The following ATG7 variants were observed in gnomAD, a reference collection of about 807,000 sequenced individuals.
The protein encoded by ATG7 is ubiquitin-like modifier-activating enzyme ATG7.
A neutral mutation model predicts 82.4 loss-of-function variants in ATG7; 70 were observed. That is an observed-to-expected ratio of 0.85 (90% CI 0.70 to 1.04). ATG7 has a LOEUF of 1.04. Ranked by LOEUF, ATG7 falls within the 50% of genes least tolerant of loss-of-function variation. The pLI is 0.00. For missense variants in ATG7, 792 were observed against 864.3 expected (o/e 0.92, Z 1.05); for synonymous variants, 287 against 313.0 (o/e 0.92, Z 0.88).
chr3:11,433,289 T>TAA lies in ATG7; in HGVS notation c.2079+6388_2079+6389dup, dbSNP rs56859088. Among the ~76,000 whole-genome samples the TAA allele has an allele frequency of 7.7e-3, 646 of 83,780 alleles. 11 individuals carry two copies. The highest frequency in any genetic ancestry group is 1.0e-2 in the African/African-American group (220 of 22,074). The allele number at this position is 83,780 out of a possible 152,430, so 55.0% of individuals were successfully genotyped here. On this transcript the variant is annotated intron_variant, in intron 20 of 20. Coordinates refer to ENST00000693202, the MANE Select transcript of ATG7 (RefSeq NM_001349232.2). Reference sequence around the variant, plus strand: ...ACAGAGCAAGACCCTGTCTCTTATTTAAAAAAAAAAAAAAAAAAAAAAAAA... The same window carrying TAA: ...ACAGAGCAAGACCCTGTCTCTTATTTAAAAAAAAAAAAAAAAAAAAAAAAAAA...
At chr3:11,447,236 C>T (rs1024542953) in intron 20 of ATG7, among the ~76,000 whole-genome samples, 13 of 152,250 alleles carry the variant, frequency 8.5e-5, no homozygotes, top group Non-Finnish European at 1.6e-4. Flanking sequence ...GAGGCTGAGG[C>T]GGGTGGATCA....
In ATG7 at chr3:11,511,897, G is replaced by T. The variant is rs571855016; in HGVS notation, c.2080-42914G>T. Among the ~76,000 whole-genome samples, 73 of 152,192 alleles carry T rather than the reference G, an allele frequency of 4.8e-4. 2 individuals are homozygous for T. The South Asian group carries it at 0.014, about 30-fold the overall frequency. Reference sequence around the variant, plus strand: ...GCTGGCTGGCTGCTCCGAATGCGGGGCCCACCAAGCCCACACCCACCCAGA... The same window carrying T: ...GCTGGCTGGCTGCTCCGAATGCGGGTCCCACCAAGCCCACACCCACCCAGA... On this transcript the variant is annotated intron_variant, in intron 20 of 20. Transcript: ENST00000693202.
intron 3 of ATG7, among the ~76,000 whole-genome samples, chr3:11,292,618 C>G (rs1306739108): frequency 9.1e-6 from 1 of 110,030 alleles, no homozygotes; most frequent in African/African-American, 3.6e-5. Flanking sequence ...AAAATTGGAG[C>G]TATTCCTTAG....
chr3:11,318,048 A>G (rs1409663519), intron 9 of ATG7, among the ~76,000 whole-genome samples: 1 of 152,250 alleles, frequency 6.6e-6, no homozygotes, highest in Non-Finnish European at 1.5e-5. Context: ...AGCACATGGT[A>G]GATGCTCAAT....
At position 11,367,543 on chromosome 3, in the gene ATG7, C is replaced by T. The variant is rs150353546; in HGVS notation, c.1875+2809C>T. Among the ~76,000 whole-genome samples, 159 of 152,272 alleles carry T rather than the reference C, an allele frequency of 1.0e-3. 1 individual carries two copies. Among genetic ancestry groups the T allele is most frequent in the African/African-American group, 3.8e-3 (157 of 41,548 alleles). ...AACTTTTCCTGTGCTCTCTGGGTCTCTGCTCTCCTCTGTGTCAGACCTAGG... is the reference window on the plus strand; with the variant it reads ...AACTTTTCCTGTGCTCTCTGGGTCTTTGCTCTCCTCTGTGTCAGACCTAGG... On this transcript the variant is annotated intron_variant, in intron 18 of 20. Coordinates refer to ENST00000693202, the MANE Select transcript of ATG7 (RefSeq NM_001349232.2).
At chr3:11,279,094 C>T (rs1317698084) in intron 1 of ATG7, among the ~76,000 whole-genome samples, 7 of 152,184 alleles carry the variant, frequency 4.6e-5, no homozygotes, top group Admixed American at 4.6e-4. Context: ...CTAGCCTCCT[C>T]ATCCAGGGGT....
In ATG7 at chr3:11,556,265, T is replaced by C. The variant is rs1010565479; in HGVS notation, c.*1422T>C. 6.6e-6 allele frequency: 1 copy of C among 152,618 alleles called. No individual in the cohort carries two copies. 9.5% of individuals were successfully genotyped at this position (152,618 alleles called of 1,614,324 possible). ...CTGGGAAGAACTTCACGGAGCCCCT[T>C]CTTAGAGCAGGGAGGGGGCTTTCTC... On this transcript the variant is annotated 3_prime_UTR_variant, in exon 21 of 21. Coordinates refer to ENST00000693202, the MANE Select transcript of ATG7 (RefSeq NM_001349232.2).
intron 18 of ATG7, among the ~76,000 whole-genome samples, chr3:11,368,229 T>TAAAAAAAA (rs760208581): frequency 9.1e-6 from 1 of 109,340 alleles, no homozygotes; most frequent in East Asian, 2.5e-4. Flanking sequence ...TTCTTTTACT[T>TAAAAAAAA]AAAAAAAAAA....
the ATG7 span, chr3:11,564,847 T>C: frequency 6.2e-7 from 1 of 1,604,136 alleles, no homozygotes; most frequent in East Asian, 2.2e-5. Flanking sequence ...GCTGGCCTGC[T>C]GGCGTCCAGG....
chr3:11,527,259 C>T (rs914694959), intron 20 of ATG7, among the ~76,000 whole-genome samples: 13 of 151,974 alleles, frequency 8.6e-5, no homozygotes, highest in Non-Finnish European at 1.6e-4. Flanking sequence ...CACATGCCAC[C>T]ACACCCAGCT....
chr3:11,439,581 G>A (rs1404172058), intron 20 of ATG7, among the ~76,000 whole-genome samples: 12 of 152,308 alleles, frequency 7.9e-5, no homozygotes, highest in East Asian at 1.9e-4. Flanking sequence ...GGAGGCAGAC[G>A]CAGTATAGTT....
At chr3:11,434,418 TC>T (rs2083185901) in intron 20 of ATG7, among the ~76,000 whole-genome samples, 1 of 152,158 alleles carries the variant, frequency 6.6e-6, no homozygotes, top group Non-Finnish European at 1.5e-5. Context: ...CTAGCTCACT[TC>T]CAACCCATGC....
At chr3:11,395,969 A>AGGGG (rs1559533680) in intron 19 of ATG7, among the ~76,000 whole-genome samples, 19 of 89,342 alleles carry the variant, frequency 2.1e-4, no homozygotes, top group African/African-American at 8.6e-4. Context: ...AAAAAAAGGT[A>AGGGG]GGGGGGGAAG....
intron 20 of ATG7, among the ~76,000 whole-genome samples, chr3:11,493,808 C>T (rs906630564): frequency 4.6e-5 from 7 of 152,100 alleles, no homozygotes; most frequent in African/African-American, 1.2e-4. Context: ...CAATCTGGGG[C>T]ATCACAAAGA....
At chr3:11,389,307 G>T (rs2078587099) in intron 19 of ATG7, among the ~76,000 whole-genome samples, 1 of 147,962 alleles carries the variant, frequency 6.8e-6, no homozygotes, top group Admixed American at 6.7e-5. Flanking sequence ...TTACCCTTAT[G>T]ACTTGTTCAT....
chr3:11,447,353 A>G (rs1260732435), intron 20 of ATG7, among the ~76,000 whole-genome samples: 2 of 151,892 alleles, frequency 1.3e-5, no homozygotes, highest in Non-Finnish European at 2.9e-5. Flanking sequence ...TGTAATCCCA[A>G]CTACTCAGGA....
Position 11,435,063 on chromosome 3 carries a change from C to G in ATG7, c.2079+8137C>G, listed in dbSNP as rs192903389. 1.5e-3 allele frequency among the ~76,000 whole-genome samples: 234 copies of G among 152,078 alleles called. 2 individuals are homozygous for G. Among genetic ancestry groups the G allele is most frequent in the East Asian group, 1.5e-3 (8 of 5,184 alleles). On this transcript the variant is annotated intron_variant, in intron 20 of 20. Coordinates refer to ENST00000693202, the MANE Select transcript of ATG7 (RefSeq NM_001349232.2). ...CAACTCTAATTTAGTGATTTTGATT[C>G]AAATATACCATGTATAACCAAAAAG...
At chr3:11,319,902 T>C (rs1490691656) in intron 9 of ATG7, among the ~76,000 whole-genome samples, 4 of 152,222 alleles carry the variant, frequency 2.6e-5, no homozygotes, top group African/African-American at 9.6e-5. Context: ...TGTGGGCCTC[T>C]CCAGTTCATT....
intron 18 of ATG7, among the ~76,000 whole-genome samples, chr3:11,372,847 T>C (rs74470410): frequency 3.9e-4 from 7 of 17,794 alleles, no homozygotes; most frequent in East Asian, 0.031. Context: ...CGTGCGTGCG[T>C]GTGCGTGTGT....
Sources: allele counts gnomAD v4.1 joint callset (sites outside exome capture counted in the v4.1 genomes callset), GRCh38; gene constraint gnomAD v4.1.1; transcripts MANE v1.5; gene names NCBI Gene and HGNC (gene_info 2026-07-23, HGNC 2026-07-21).